DHX15: variants seen among roughly 807,000 people sequenced by gnomAD.
The protein encoded by DHX15 is DEAH-box helicase 15.
Under a neutral mutation model 94.4 loss-of-function variants are expected in DHX15, and 11 were observed. The ratio of observed to expected loss-of-function variants is 0.12; its 90% CI spans 0.07 to 0.19. DHX15 has a LOEUF of 0.19. Among genes scored for constraint, DHX15 ranks in the 10% least tolerant of loss-of-function variants. The probability of loss-of-function intolerance (pLI) is 1.00; values close to 1 mark genes in which losing one functional copy is unlikely to be tolerated. For missense variants in DHX15, 304 were observed against 988.5 expected (o/e 0.31, Z 9.29); for synonymous variants, 338 against 329.9 (o/e 1.02, Z -0.27).
chr4:24,574,332 C>T (rs1722195547), intron 2 of DHX15, among the ~76,000 whole-genome samples: 1 of 151,034 alleles, frequency 6.6e-6, no homozygotes, highest in Non-Finnish European at 1.5e-5. Flanking sequence ...TTAATAAGAG[C>T]ATGCTAGGAA....
chr4:24,530,018 A>C lies in DHX15; in HGVS notation c.2101-248T>G, dbSNP rs1721040251. On this transcript the variant is annotated intron_variant, in intron 12 of 13. Coordinates refer to ENST00000336812, the MANE Select transcript of DHX15 (RefSeq NM_001358.3). ...ATTTATCTTTAATTAGAAAGAAAAA[A>C]TATCATACAAAAAACATTCCGTGAA... 4 of 540,638 alleles carry C rather than the reference A, an allele frequency of 7.4e-6. No individual in the cohort carries two copies. In the South Asian group the frequency reaches 9.6e-5, roughly 13 times the overall value. The allele number at this position is 540,638 out of a possible 1,614,324, so 33.5% of individuals were successfully genotyped here.
At chr4:24,565,586 T>C (rs148776942) in intron 3 of DHX15, among the ~76,000 whole-genome samples, 2 of 152,360 alleles carry the variant, frequency 1.3e-5, no homozygotes, top group African/African-American at 4.8e-5. Flanking sequence ...AATACTTGAA[T>C]TGATTCATTC....
chr4:24,537,148 C>G lies in DHX15; in HGVS notation c.1812G>C (p.Thr604=), dbSNP rs1464450390. Residue 604 remains threonine (T), a synonymous_variant, in exon 11 of 14, where the codon ACG becomes ACC. Transcript: ENST00000336812. The surrounding 1 kb of genome is among the most constrained non-coding windows in gnomAD (Gnocchi z 4.7). Reference sequence around the variant, plus strand: ...CCTCATCTGCGGCTTTCTTGGCCTCCGTGGGGCGAACAAAACACTGTGGGA... The same window carrying G: ...CCTCATCTGCGGCTTTCTTGGCCTCGGTGGGGCGAACAAAACACTGTGGGA... ...LSVPQCFVRP[T]EAKKAADEAK... 6.2e-7 allele frequency: 1 copy of G among 1,613,748 alleles called. No individual in the cohort carries two copies. The highest frequency in any genetic ancestry group is 8.5e-7 in the Non-Finnish European group (1 of 1,179,832).
intron 3 of DHX15, among the ~76,000 whole-genome samples, chr4:24,564,720 CACTA>C (rs1450185766): frequency 6.6e-6 from 1 of 152,142 alleles, no homozygotes; most frequent in Non-Finnish European, 1.5e-5. Flanking sequence ...ACATGAGCAA[CACTA>C]ACTTACTGTA....
intron 10 of DHX15, chr4:24,539,612 T>C (rs1333269848): frequency 1.3e-5 from 2 of 152,168 alleles, no homozygotes; most frequent in African/African-American, 4.8e-5. Context: ...AATTATACAT[T>C]ACTATTTCTA....
chr4:24,557,586 C>T (rs547969034), intron 3 of DHX15, among the ~76,000 whole-genome samples: 179 of 152,196 alleles, frequency 1.2e-3, no homozygotes, highest in African/African-American at 4.1e-3. Context: ...CAAACAAATC[C>T]ATCTTAACTC....
Position 24,531,229 on chromosome 4 carries a change from C to T in DHX15, c.2101-1459G>A, listed in dbSNP as rs1053581469. On this transcript the variant is annotated intron_variant, in intron 12 of 13. Transcript: ENST00000336812. ...TCAGCCTCCCGAGTAGCTGGGACTACAGGCACCCGCCACCGCGCCCGGCTA... is the reference window on the plus strand; with the variant it reads ...TCAGCCTCCCGAGTAGCTGGGACTATAGGCACCCGCCACCGCGCCCGGCTA... Among the ~76,000 whole-genome samples the T allele has an allele frequency of 3.3e-5, 5 of 152,174 alleles. No individual in the cohort carries two copies. In the East Asian group the frequency reaches 9.8e-4, roughly 30 times the overall value.
At chr4:24,559,806 A>C (rs1476018743) in intron 3 of DHX15, among the ~76,000 whole-genome samples, 1 of 152,158 alleles carries the variant, frequency 6.6e-6, no homozygotes, top group African/African-American at 2.4e-5. Flanking sequence ...AGATCTACTT[A>C]ATCAGAAATT....
intron 8 of DHX15, among the ~76,000 whole-genome samples, chr4:24,541,504 AAAGT>A (rs1200025972): frequency 6.6e-6 from 1 of 152,150 alleles, no homozygotes; most frequent in Non-Finnish European, 1.5e-5. Context: ...TGAAACGCTG[AAAGT>A]TAGTAAGGAA....
chr4:24,578,846 G>A (rs1473947880), intron 1 of DHX15, among the ~76,000 whole-genome samples: 1 of 152,132 alleles, frequency 6.6e-6, no homozygotes, highest in Admixed American at 6.5e-5. Context: ...TTACCGATGA[G>A]CTACCATGCC....
rs1721213778 is a variant in DHX15, at chr4:24,537,082, T to C, written c.1878A>G (p.Thr626=). Residue 626 remains threonine (T), a synonymous_variant, in exon 11 of 14, where the codon ACA becomes ACG. Coordinates refer to ENST00000336812, the MANE Select transcript of DHX15 (RefSeq NM_001358.3). The surrounding 1 kb of genome is among the most constrained non-coding windows in gnomAD (Gnocchi z 4.7). The part of the protein sequence containing the change: ...RFAHIDGDHL[T]LLNVYHAFKQ... ...TAAAAGCATGGTAGACGTTCAGCAG[T>C]GTCAGATGATCTCCATCTATGTGGG... is the stretch of plus-strand genomic sequence containing the variant. 6.2e-7 allele frequency: 1 copy of C among 1,613,942 alleles called. No individual in the cohort carries two copies. Among genetic ancestry groups the C allele is most frequent in the African/African-American group, 1.3e-5 (1 of 75,046 alleles).
chr4:24,574,228 A>AAAAAAAAAAAAAAAAT (rs1722191854), intron 2 of DHX15, among the ~76,000 whole-genome samples: 1 of 144,490 alleles, frequency 6.9e-6, no homozygotes, highest in Non-Finnish European at 1.5e-5. Context: ...AAAAAAAAAA[A>AAAAAAAAAAAAAAAAT]GTTAAAGTCA....
At position 24,576,237 on chromosome 4, in the gene DHX15, A is replaced by C; in HGVS notation, c.507+6T>G. 1 of 1,607,832 alleles carries C rather than the reference A, an allele frequency of 6.2e-7. No individual in the cohort carries two copies. The highest frequency in any genetic ancestry group is 8.5e-7 in the Non-Finnish European group (1 of 1,174,680). The stretch of plus-strand genomic sequence containing the variant: ...GAAATATGTACCATGGTATACAATA[A>C]CTCACCTGTGTTGTTTTACCAGACC... On this transcript the variant is annotated splice_donor_region_variant and intron_variant, in intron 2 of 13. Coordinates refer to ENST00000336812, the MANE Select transcript of DHX15 (RefSeq NM_001358.3).
chr4:24,528,083 A>G, intron 13 of DHX15, 42 bp from the exon 14 acceptor site: 1 of 1,377,546 alleles, frequency 7.3e-7, no homozygotes, highest in Non-Finnish European at 1.0e-6. Flanking sequence ...TTAACATTTA[A>G]TTGAAGTACT....
At chr4:24,567,536 C>T (rs912386429) in intron 3 of DHX15, among the ~76,000 whole-genome samples, 17 of 150,868 alleles carry the variant, frequency 1.1e-4, no homozygotes, top group African/African-American at 4.2e-4. Flanking sequence ...GAGATCGTGC[C>T]ACTGCACTCC....
intron 3 of DHX15, 77 bp from the exon 4 acceptor site, chr4:24,556,487 GC>G (rs1721740540): frequency 8.4e-7 from 1 of 1,192,784 alleles, no homozygotes; most frequent in African/African-American, 1.5e-5. Context: ...AAAATGAAAT[GC>G]AAAGACATAA....
At chr4:24,566,090 C>A (rs1721986336) in intron 3 of DHX15, among the ~76,000 whole-genome samples, 1 of 150,936 alleles carries the variant, frequency 6.6e-6, no homozygotes, top group Non-Finnish European at 1.5e-5. Flanking sequence ...GTCACCCAGG[C>A]TGGAGCGCAG....
At chr4:24,544,855 G>A (rs1380530924) in intron 6 of DHX15, among the ~76,000 whole-genome samples, 2 of 152,162 alleles carry the variant, frequency 1.3e-5, no homozygotes, top group Non-Finnish European at 2.9e-5. Flanking sequence ...GCTCACATCC[G>A]TAATCCCAGC....
chr4:24,546,932 A>G (rs1375477641), intron 6 of DHX15, among the ~76,000 whole-genome samples: 1 of 146,756 alleles, frequency 6.8e-6, no homozygotes, highest in Non-Finnish European at 1.5e-5. Flanking sequence ...TTTTTTCACA[A>G]TTAGACACAA....
Sources: gnomAD v4.1 joint callset for allele counts (sites outside exome capture counted in the v4.1 genomes callset) on GRCh38, gnomAD v4.1.1 for gene constraint, Gnocchi (gnomAD v3.1) non-coding constraint, MANE v1.5 for transcripts, NCBI Gene and HGNC (gene_info 2026-07-23, HGNC 2026-07-21) for gene names.